LRP1: variants seen among roughly 807,000 people sequenced by gnomAD.
The protein encoded by LRP1 is prolow-density lipoprotein receptor-related protein 1.
Under a neutral mutation model 541.5 loss-of-function variants are expected in LRP1, and 51 were observed. The ratio of observed to expected loss-of-function variants is 0.09; its 90% CI spans 0.08 to 0.12. LRP1 has a LOEUF of 0.12. Among genes scored for constraint, LRP1 ranks in the 10% least tolerant of loss-of-function variants. The probability of loss-of-function intolerance (pLI) is 1.00; values close to 1 mark genes in which losing one functional copy is unlikely to be tolerated. For missense variants in LRP1, 3,878 were observed against 6,376.2 expected (o/e 0.61, Z 13.34); for synonymous variants, 2,219 against 2,470.8 (o/e 0.90, Z 3.02).
chr12:57,161,203 G>A, intron 13 of LRP1, 88 bp downstream of exon 13: 2 of 1,257,716 alleles, frequency 1.6e-6, no homozygotes, highest in Non-Finnish European at 2.3e-6. Flanking sequence ...GAGTATGTGG[G>A]TATCTGTGTG....
rs1357539049 is a variant in LRP1 at position 57,136,403 on chromosome 12, C to CCG, written c.68-2055_68-2054insGC. 2.8e-4 allele frequency among the ~76,000 whole-genome samples: 42 copies of CCG among 147,484 alleles called. 1 individual carries two copies. Among genetic ancestry groups the CCG allele is most frequent in the Non-Finnish European group, 5.2e-4 (34 of 65,628 alleles). ...CTCCCTCCCTCCTAAGAGCCCCCCC[C>CCG]CCCCGCCATTTTCCTTATACTTCTG... On this transcript the variant is annotated intron_variant, in intron 1 of 88. Coordinates refer to ENST00000243077, the MANE Select transcript of LRP1 (RefSeq NM_002332.3).
chr12:57,201,202 G>A lies in LRP1; in HGVS notation c.10345+49G>A. 6.2e-7 allele frequency: 1 copy of A among 1,608,562 alleles called. No individual in the cohort carries two copies. Among genetic ancestry groups the A allele is most frequent in the Admixed American group, 1.7e-5 (1 of 59,906 alleles). ...GCCGGTGGTGGGAGATGACACGGAAGCAGGGCAGGCAGAATCTCCCCACAG... is the reference window on the plus strand; with the variant it reads ...GCCGGTGGTGGGAGATGACACGGAAACAGGGCAGGCAGAATCTCCCCACAG... On this transcript the variant is annotated intron_variant, in intron 65 of 88. Coordinates refer to ENST00000243077, the MANE Select transcript of LRP1 (RefSeq NM_002332.3). The surrounding 1 kb of genome is among the most constrained non-coding windows in gnomAD (Gnocchi z 6.4).
chr12:57,199,927 C>T lies in LRP1; in HGVS notation c.9916C>T (p.Leu3306=). 3 of 1,597,514 alleles carry T rather than the reference C, an allele frequency of 1.9e-6. No individual in the cohort carries two copies. The highest frequency in any genetic ancestry group is 2.6e-6 in the Non-Finnish European group (3 of 1,174,074). ...CAATGGTGGCTGCAGCAACCTGTGC[C>T]TGCTGTCCCCCGGGGGAGGGCACAA... ...VNNGGCSNLC[L]LSPGGGHKCA... The change falls in exon 62 of 89, where the codon CTG becomes TTG. Residue 3306 remains leucine (L), a synonymous_variant. Transcript: ENST00000243077.
At chr12:57,176,144 C>G (rs761765613) in intron 24 of LRP1, 38 bp downstream of exon 24, 1 of 1,607,960 alleles carries the variant, frequency 6.2e-7, no homozygotes, top group Non-Finnish European at 8.5e-7. Flanking sequence ...TGCACACAGG[C>G]GGAGCGCTCA....
Position 57,173,844 on chromosome 12 carries a change from G to A in LRP1, c.3411G>A (p.Glu1137=). ...GDNDCEDNSD[E]ENCESLACRP... ...ATGACTGTGAGGATAACTCGGACGA[G>A]GAGAACTGCGAGTCCCTGGCCTGCA... is the stretch of plus-strand genomic sequence containing the variant. The change falls in exon 22 of 89, where the codon GAG becomes GAA. Residue 1137 remains glutamate, a synonymous_variant. Transcript: ENST00000243077. The surrounding 1 kb of genome is among the most constrained non-coding windows in gnomAD (Gnocchi z 4.7). 1.9e-6 allele frequency: 3 copies of A among 1,614,254 alleles called. No homozygotes were observed. Among genetic ancestry groups the A allele is most frequent in the South Asian group, 1.1e-5 (1 of 91,088 alleles).
In LRP1 at chr12:57,203,182, C is replaced by T; in HGVS notation, c.10713C>T (p.Thr3571=). The T allele has an allele frequency of 2.5e-6, 4 of 1,581,474 alleles. No individual in the cohort carries two copies. The highest frequency in any genetic ancestry group is 3.4e-6 in the Non-Finnish European group (4 of 1,162,978). The change falls in exon 69 of 89, where the codon ACC becomes ACT. Residue 3571 remains threonine (T), a splice_region_variant and synonymous_variant. Coordinates refer to ENST00000243077, the MANE Select transcript of LRP1 (RefSeq NM_002332.3). ...CGDNSDEESC[T]PRPCSESEFS... is the part of the protein sequence containing the mutation. ...CCTGTCTCCCCCTGTCCTTCCCAGCCCCTCGGCCCTGCTCCGAGAGTGAGT... is the reference window on the plus strand; with the variant it reads ...CCTGTCTCCCCCTGTCCTTCCCAGCTCCTCGGCCCTGCTCCGAGAGTGAGT...
chr12:57,173,947 T>C lies in LRP1; in HGVS notation c.3514T>C (p.Cys1172Arg), dbSNP rs1170870830. The C allele has an allele frequency of 6.2e-7, 1 of 1,614,198 alleles. No homozygotes were observed. The highest frequency in any genetic ancestry group is 8.5e-7 in the Non-Finnish European group (1 of 1,180,036). The change falls in exon 22 of 89, where the codon TGT becomes CGT. Residue 1172 changes from cysteine to arginine, a missense_variant. Cys to Arg is a radical substitution (Grantham distance 180, BLOSUM62 -3). Around this residue, in one of 13 missense-constraint regions of LRP1, gnomAD observed 320 missense variants for 547.9 expected, o/e 0.58. Coordinates refer to ENST00000243077, the MANE Select transcript of LRP1 (RefSeq NM_002332.3). The surrounding 1 kb of genome is among the most constrained non-coding windows in gnomAD (Gnocchi z 4.7). ...CAAGCTGTGTGATGGCAACGACGAC[T>C]GTGGCGACGGCTCAGATGAGGGCGA... ...PDKLCDGNDD[C>R]GDGSDEGELC...
Position 57,154,161 on chromosome 12 carries a change from C to A in LRP1, c.842-47C>A. On this transcript the variant is annotated intron_variant, in intron 6 of 88. Transcript: ENST00000243077. This position sits in a 1 kb window ranked among gnomAD's most constrained non-coding sequence, Gnocchi z 4.6. ...CACCAGCAAAGGGTGGGCATCTCTG[C>A]AAGAGGGCCTACCCCACCCCATGGC... The A allele has an allele frequency of 6.4e-7, 1 of 1,574,766 alleles. No homozygotes were observed. Among genetic ancestry groups the A allele is most frequent in the Non-Finnish European group, 8.7e-7 (1 of 1,152,148 alleles).
At chr12:57,196,404 C>G in intron 55 of LRP1, 127 bp downstream of exon 55, 1 of 994,914 alleles carries the variant, frequency 1.0e-6, no homozygotes, top group Non-Finnish European at 1.5e-6. Flanking sequence ...CAGAAATCTG[C>G]TTGGTTGGGG....
In LRP1 at chr12:57,158,362, T is replaced by C; in HGVS notation, c.1562-40T>C. 1 of 1,508,852 alleles carries C rather than the reference T, an allele frequency of 6.6e-7. No homozygotes were observed. Among genetic ancestry groups the C allele is most frequent in the Non-Finnish European group, 9.1e-7 (1 of 1,100,344 alleles). 93.5% of individuals were successfully genotyped at this position (1,508,852 alleles called of 1,614,324 possible). On this transcript the variant is annotated intron_variant, in intron 10 of 88. Coordinates refer to ENST00000243077, the MANE Select transcript of LRP1 (RefSeq NM_002332.3). The surrounding 1 kb of genome is among the most constrained non-coding windows in gnomAD (Gnocchi z 5.3). Reference sequence around the variant, plus strand: ...AGCCCCTGGGTGGGGATGATGGTCATGTGTGTGTCTGACTGTACCCTGGCT... The same window carrying C: ...AGCCCCTGGGTGGGGATGATGGTCACGTGTGTGTCTGACTGTACCCTGGCT...
Position 57,184,080 on chromosome 12 carries a change from C to T in LRP1, c.5930-5C>T. The T allele has an allele frequency of 6.2e-7, 1 of 1,613,208 alleles. No homozygotes were observed. The highest frequency in any genetic ancestry group is 8.5e-7 in the Non-Finnish European group (1 of 1,179,484). On this transcript the variant is annotated splice_region_variant and splice_polypyrimidine_tract_variant and intron_variant, in intron 36 of 88. Transcript: ENST00000243077. This position sits in a 1 kb window ranked among gnomAD's most constrained non-coding sequence, Gnocchi z 7.8. ...CTCCCTGAGCCCCACCAACTCCCTC[C>T]TTAGGCAACATCTACTGGACAGACC...
rs530924190 is a variant in LRP1 at position 57,160,635 on chromosome 12, G to A, written c.1980-258G>A. Among the ~76,000 whole-genome samples the A allele has an allele frequency of 5.9e-5, 9 of 152,224 alleles. No homozygotes were observed. In the South Asian group the frequency reaches 1.7e-3, roughly 28 times the overall value. Reference sequence around the variant, plus strand: ...ACCTTGATTGACCTGTTTCTTGTGGGATGGGAGCTCCGTGGGAGCAGGGAC... The same window carrying A: ...ACCTTGATTGACCTGTTTCTTGTGGAATGGGAGCTCCGTGGGAGCAGGGAC... On this transcript the variant is annotated intron_variant, in intron 12 of 88. Coordinates refer to ENST00000243077, the MANE Select transcript of LRP1 (RefSeq NM_002332.3).
chr12:57,199,610 G>A (rs985728340), intron 61 of LRP1, among the ~76,000 whole-genome samples: 3 of 152,178 alleles, frequency 2.0e-5, no homozygotes, highest in African/African-American at 7.2e-5. Context: ...GCAAGTCCCT[G>A]AGGCCAGTCA....
In LRP1 at chr12:57,204,887, G is replaced by T; in HGVS notation, c.11194+138G>T. On this transcript the variant is annotated intron_variant, in intron 72 of 88. Coordinates refer to ENST00000243077, the MANE Select transcript of LRP1 (RefSeq NM_002332.3). The surrounding 1 kb of genome is among the most constrained non-coding windows in gnomAD (Gnocchi z 5.3). ...GGAAGGGGAGGATCCATTGCTAGGA[G>T]CCTGGGGGCTTTTCGTTAGGAAAGA... 1 of 1,414,994 alleles carries T rather than the reference G, an allele frequency of 7.1e-7. No individual in the cohort carries two copies. The highest frequency in any genetic ancestry group is 9.5e-7 in the Non-Finnish European group (1 of 1,050,310). The allele number at this position is 1,414,994 out of a possible 1,614,324, so 87.7% of individuals were successfully genotyped here. A position where few individuals can be genotyped will look rare whatever the true frequency, so the allele number is the denominator to read the frequency against.
intron 20 of LRP1, among the ~76,000 whole-genome samples, chr12:57,172,673 C>T (rs1182408100): frequency 1.3e-5 from 2 of 152,178 alleles, no homozygotes; most frequent in African/African-American, 4.8e-5. Context: ...TCAGCTTCTA[C>T]CCAGCTTTAT....
In LRP1 at chr12:57,212,544, C is replaced by A. The variant is rs2036940684; in HGVS notation, c.13624C>A (p.Pro4542Thr). 1.2e-6 allele frequency: 2 copies of A among 1,608,788 alleles called. No homozygotes were observed. The highest frequency in any genetic ancestry group is 1.3e-5 in the African/African-American group (1 of 74,848). The part of the protein sequence containing the change: ...GRGPEDEIGD[P>T]LA ...GGGCCCTGAGGACGAGATAGGGGACCCCTTGGCATAGGGCCCTGCCCCGTC... is the reference window on the plus strand; with the variant it reads ...GGGCCCTGAGGACGAGATAGGGGACACCTTGGCATAGGGCCCTGCCCCGTC... The change falls in exon 89 of 89, where the codon CCC (proline) becomes ACC (threonine). Residue 4542 changes from proline (P) to threonine (T), a missense_variant. Physicochemically the swap from Pro to Thr is conservative, Grantham distance 38. Transcript: ENST00000243077. The surrounding 1 kb of genome is among the most constrained non-coding windows in gnomAD (Gnocchi z 5.0).
intron 12 of LRP1, among the ~76,000 whole-genome samples, chr12:57,160,466 C>A (rs2035706396): frequency 1.3e-5 from 2 of 152,164 alleles, no homozygotes; most frequent in South Asian, 4.1e-4. Context: ...GGACTGGCTT[C>A]TTCTCTACAT....
chr12:57,149,458 C>G, intron 6 of LRP1: 1 of 596,738 alleles, frequency 1.7e-6, no homozygotes. Context: ...TCCACCCAGA[C>G]TGCTCCCAGC....
chr12:57,143,357 A>G (rs1397045551), intron 3 of LRP1, among the ~76,000 whole-genome samples: 3 of 152,182 alleles, frequency 2.0e-5, no homozygotes, highest in Non-Finnish European at 2.9e-5. Flanking sequence ...AAGACTCACC[A>G]TCCCCTCTTC....
Sources: allele counts gnomAD v4.1 joint callset (sites outside exome capture counted in the v4.1 genomes callset), GRCh38; gene constraint gnomAD v4.1.1; regional missense constraint gnomAD v4.1.1; non-coding constraint Gnocchi (gnomAD v3.1); transcripts MANE v1.5; gene names NCBI Gene and HGNC (gene_info 2026-07-23, HGNC 2026-07-21).